Variants in PTPRN2 observed in about 807,000 individuals in gnomAD.
PTPRN2 encodes the protein protein tyrosine phosphatase receptor type N2.
In PTPRN2, 74 loss-of-function variants were observed where a neutral mutation model predicts 118.8. That is an observed-to-expected ratio of 0.62 (90% CI 0.52 to 0.76). PTPRN2 has a LOEUF of 0.76. PTPRN2 is among the 30% of genes least tolerant of loss of function. The probability of loss-of-function intolerance (pLI) is 0.00; values close to 1 mark genes in which losing one functional copy is unlikely to be tolerated. For synonymous variants in PTPRN2, 641 were observed against 608.0 expected (o/e 1.05, Z -0.80); for missense variants, 1,481 against 1,394.4 (o/e 1.06, Z -0.99).
At chr7:158,265,317 C>T (rs1354334957) in intron 3 of PTPRN2, among the ~76,000 whole-genome samples, 4 of 152,130 alleles carry the variant, frequency 2.6e-5, no homozygotes, top group Admixed American at 6.5e-5. Flanking sequence ...TGCAGGCACA[C>T]ACCTGCAGGG....
intron 3 of PTPRN2, among the ~76,000 whole-genome samples, chr7:158,284,316 GCTGGGCACTCTCCAAGTCAGCCGGGCA>G (rs747483675): frequency 5.6e-4 from 85 of 152,150 alleles, no homozygotes; most frequent in Non-Finnish European, 9.4e-4. Context: ...ACTGTTGTGG[GCTGGGCACTCTCCAAGTCAGCCGGGCA>G]CTGGGCACTG....
intron 11 of PTPRN2, among the ~76,000 whole-genome samples, chr7:158,055,382 G>A (rs1407445230): frequency 1.3e-5 from 2 of 152,150 alleles, no homozygotes; most frequent in African/African-American, 4.8e-5. Flanking sequence ...TCAGTGCCAA[G>A]GAAAAACACC....
At chr7:157,870,201 G>A (rs1332874771) in intron 12 of PTPRN2, among the ~76,000 whole-genome samples, 2 of 152,194 alleles carry the variant, frequency 1.3e-5, no homozygotes, top group African/African-American at 4.8e-5. Context: ...CCAGAATTAT[G>A]TAAGCTGAAC....
chr7:158,006,778 G>A (rs573274446), intron 11 of PTPRN2, among the ~76,000 whole-genome samples: 23 of 152,272 alleles, frequency 1.5e-4, no homozygotes, highest in African/African-American at 5.1e-4. Context: ...GGCCACCCTG[G>A]CTGTACCCAC....
intron 11 of PTPRN2, among the ~76,000 whole-genome samples, chr7:157,930,916 G>A (rs1293071737): frequency 1.3e-5 from 2 of 150,520 alleles, no homozygotes; most frequent in South Asian, 2.1e-4. Flanking sequence ...TTTGTTTTTC[G>A]CAAGAGGCAG....
intron 13 of PTPRN2, among the ~76,000 whole-genome samples, chr7:157,670,751 C>T (rs916748929): frequency 3.3e-5 from 5 of 152,224 alleles, no homozygotes; most frequent in African/African-American, 1.2e-4. Flanking sequence ...ACAGATCCAA[C>T]ACGACCTCTG....
At chr7:157,637,895 AGTTCCAG>A (rs1475365867) in intron 14 of PTPRN2, among the ~76,000 whole-genome samples, 1 of 152,268 alleles carries the variant, frequency 6.6e-6, no homozygotes, top group Non-Finnish European at 1.5e-5. Flanking sequence ...AAGAATAAAG[AGTTCCAG>A]CAAGTGCTGT....
At chr7:158,371,126 G>A (rs752263069) in intron 2 of PTPRN2, among the ~76,000 whole-genome samples, 2 of 152,162 alleles carry the variant, frequency 1.3e-5, no homozygotes, top group Non-Finnish European at 2.9e-5. Flanking sequence ...GTATGTGACT[G>A]CGCAGGGAAG....
chr7:158,160,165 C>G lies in PTPRN2; in HGVS notation c.910+6766G>C, dbSNP rs144586808. Among the ~76,000 whole-genome samples, 913 of 152,280 alleles carry G rather than the reference C, an allele frequency of 6.0e-3. 5 individuals carry two copies. Among genetic ancestry groups the G allele is most frequent in the African/African-American group, 0.021 (861 of 41,540 alleles). On this transcript the variant is annotated intron_variant, in intron 6 of 22. Coordinates refer to ENST00000389418, the MANE Select transcript of PTPRN2 (RefSeq NM_002847.5). ...AAACTGTAGACTTCGTTTTAAGTGT[C>G]AACTTGACTGGGTTAAGGAATACCT...
In PTPRN2 at chr7:157,977,068, A is replaced by G. The variant is rs1802810937; in HGVS notation, c.1724-78331T>C. On this transcript the variant is annotated intron_variant, in intron 11 of 22. Coordinates refer to ENST00000389418, the MANE Select transcript of PTPRN2 (RefSeq NM_002847.5). This position sits in a 1 kb window ranked among gnomAD's most constrained non-coding sequence, Gnocchi z 4.6. ...TTTCCATGAAAAACTATGAGTAGGT[A>G]TGGAAAATAAAACAGATGCAAGGGT... Among the ~76,000 whole-genome samples the G allele has an allele frequency of 6.6e-6, 1 of 152,028 alleles. No individual in the cohort carries two copies. Among genetic ancestry groups the G allele is most frequent in the Non-Finnish European group, 1.5e-5 (1 of 67,966 alleles).
intron 3 of PTPRN2, among the ~76,000 whole-genome samples, chr7:158,236,375 C>T (rs374248468): frequency 1.6e-4 from 25 of 152,238 alleles, no homozygotes; most frequent in East Asian, 9.7e-4. Context: ...AAAAACTTCA[C>T]GCAGGCCACC....
Position 158,034,089 on chromosome 7 carries a change from A to G in PTPRN2, c.1723+47209T>C, listed in dbSNP as rs544463949. Among the ~76,000 whole-genome samples the G allele has an allele frequency of 4.7e-5, 7 of 148,010 alleles. No individual in the cohort carries two copies. The East Asian group carries it at 1.2e-3, about 26-fold the overall frequency. On this transcript the variant is annotated intron_variant, in intron 11 of 22. Coordinates refer to ENST00000389418, the MANE Select transcript of PTPRN2 (RefSeq NM_002847.5). Reference sequence around the variant, plus strand: ...AACTCTGCATGCTGAGGCCCAGGTGAGCATCCCTGCCCAGCAATGCTCTGC... The same window carrying G: ...AACTCTGCATGCTGAGGCCCAGGTGGGCATCCCTGCCCAGCAATGCTCTGC...
intron 12 of PTPRN2, among the ~76,000 whole-genome samples, chr7:157,720,168 C>T (rs879659002): frequency 5.3e-5 from 8 of 152,190 alleles, no homozygotes; most frequent in Non-Finnish European, 8.8e-5. Flanking sequence ...GGGACCAGGC[C>T]CCGGGGCCAG....
intron 18 of PTPRN2, 134 bp from the exon 19 acceptor site, chr7:157,576,913 A>G (rs1238310955): frequency 3.2e-6 from 3 of 933,702 alleles, no homozygotes; most frequent in African/African-American, 3.3e-5. Flanking sequence ...TTTACAGCGC[A>G]GGTGGGTTCC....
chr7:158,487,066 C>T (rs1446908726), intron 2 of PTPRN2, among the ~76,000 whole-genome samples: 1 of 152,218 alleles, frequency 6.6e-6, no homozygotes, highest in African/African-American at 2.4e-5. Flanking sequence ...CTCAGCATAA[C>T]AGCCTCAAGC....
chr7:157,816,312 C>T (rs1038617581), intron 12 of PTPRN2, among the ~76,000 whole-genome samples: 3 of 152,180 alleles, frequency 2.0e-5, no homozygotes, highest in African/African-American at 2.4e-5. Context: ...GGGCCTGGGT[C>T]GGCCCCAGGG....
chr7:157,767,419 T>C (rs894663273), intron 12 of PTPRN2, among the ~76,000 whole-genome samples: 2 of 152,246 alleles, frequency 1.3e-5, no homozygotes, highest in African/African-American at 4.8e-5. Flanking sequence ...TCTCTCCTTC[T>C]ACCTTGATAA....
chr7:158,026,114 C>T (rs1050094322), intron 11 of PTPRN2, among the ~76,000 whole-genome samples: 3 of 152,256 alleles, frequency 2.0e-5, no homozygotes, highest in African/African-American at 4.8e-5. Context: ...TAGATGGAAA[C>T]CGGGGTCGGC....
chr7:158,194,425 G>A (rs1826048040), intron 4 of PTPRN2, among the ~76,000 whole-genome samples: 1 of 152,212 alleles, frequency 6.6e-6, no homozygotes, highest in African/African-American at 2.4e-5. Context: ...CAAGGGCAGG[G>A]CCCTCTGTGA....
Sources: gnomAD v4.1 joint callset for allele counts (sites outside exome capture counted in the v4.1 genomes callset) on GRCh38, gnomAD v4.1.1 for gene constraint, Gnocchi (gnomAD v3.1) non-coding constraint, MANE v1.5 for transcripts, NCBI Gene and HGNC (gene_info 2026-07-23, HGNC 2026-07-21) for gene names.